Variants in MACROD2 observed in about 807,000 individuals in gnomAD.
The protein encoded by MACROD2 is ADP-ribose glycohydrolase MACROD2.
MACROD2 carries 36 observed loss-of-function variants against 70.4 expected under a neutral mutation model. The observed-to-expected ratio is 0.51, with a 90% CI of 0.39 to 0.68. MACROD2 has a LOEUF of 0.68. MACROD2 is among the 30% of genes least tolerant of loss of function. The pLI, the probability that MACROD2 is intolerant of heterozygous loss-of-function variation, is 0.00. For missense variants in MACROD2, 496 were observed against 538.4 expected (o/e 0.92, Z 0.78); for synonymous variants, 172 against 178.8 (o/e 0.96, Z 0.30).
chr20:15,539,815 G>T (rs192880026), intron 8 of MACROD2, among the ~76,000 whole-genome samples: 4 of 152,260 alleles, frequency 2.6e-5, no homozygotes, highest in African/African-American at 9.6e-5. Context: ...GTGAAACTCT[G>T]TCTCTACTAA....
chr20:14,925,309 G>T (rs991372500), intron 5 of MACROD2, among the ~76,000 whole-genome samples: 1 of 152,060 alleles, frequency 6.6e-6, no homozygotes, highest in Non-Finnish European at 1.5e-5. Flanking sequence ...CCAGGAAAAA[G>T]AAACACCTTA....
chr20:15,387,038 A>G (rs2045722980), intron 6 of MACROD2, among the ~76,000 whole-genome samples: 1 of 152,192 alleles, frequency 6.6e-6, no homozygotes, highest in African/African-American at 2.4e-5. Context: ...ATAAGAGCAA[A>G]CCAGCTCAAC....
At chr20:14,149,726 C>G (rs1484676835) in intron 3 of MACROD2, among the ~76,000 whole-genome samples, 1 of 152,084 alleles carries the variant, frequency 6.6e-6, no homozygotes, top group African/African-American at 2.4e-5. Flanking sequence ...ATGTGCATTT[C>G]TCTGATAATT....
intron 3 of MACROD2, among the ~76,000 whole-genome samples, chr20:14,340,239 T>C (rs1423246704): frequency 6.6e-6 from 1 of 152,172 alleles, no homozygotes; most frequent in African/African-American, 2.4e-5. Context: ...ACCAGTGTAG[T>C]AGACCTGGGT....
chr20:14,081,387 T>A (rs2148666559), intron 2 of MACROD2, among the ~76,000 whole-genome samples: 1 of 152,308 alleles, frequency 6.6e-6, no homozygotes, highest in East Asian at 1.9e-4. Flanking sequence ...CTGAATAAAA[T>A]CTGTTTTTAC....
Position 13,995,704 on chromosome 20 carries a change from C to T in MACROD2, c.-60C>T. 5.9e-6 allele frequency: 8 copies of T among 1,361,120 alleles called. No individual in the cohort carries two copies. Among genetic ancestry groups the T allele is most frequent in the South Asian group, 2.3e-5 (2 of 85,408 alleles). The allele number at this position is 1,361,120 out of a possible 1,614,324, so 84.3% of individuals were successfully genotyped here. A position where few individuals can be genotyped will look rare whatever the true frequency, so the allele number is the denominator to read the frequency against. ...TCCCACCCCTCCCACTCCACACACA[C>T]CCTGTTTGCCCGTGAGCCTGGGGAA... is the stretch of plus-strand genomic sequence containing the variant. On this transcript the variant is annotated 5_prime_UTR_variant, in exon 1 of 18. Coordinates refer to ENST00000684519, the MANE Select transcript of MACROD2 (RefSeq NM_001351661.2). This position sits in a 1 kb window ranked among gnomAD's most constrained non-coding sequence, Gnocchi z 4.3.
At chr20:14,701,253 A>T (rs1393284315) in intron 5 of MACROD2, among the ~76,000 whole-genome samples, 1 of 152,054 alleles carries the variant, frequency 6.6e-6, no homozygotes, top group Non-Finnish European at 1.5e-5. Context: ...TAGATACTCT[A>T]CCTGTGACAT....
intron 5 of MACROD2, among the ~76,000 whole-genome samples, chr20:15,152,732 G>A (rs540053339): frequency 5.3e-5 from 8 of 152,054 alleles, no homozygotes; most frequent in Admixed American, 1.3e-4. Flanking sequence ...GCGTCCCTGC[G>A]TGGACTGACA....
intron 13 of MACROD2, among the ~76,000 whole-genome samples, chr20:15,986,288 A>G (rs1304353819): frequency 1.3e-5 from 2 of 152,122 alleles, no homozygotes; most frequent in Admixed American, 1.3e-4. Flanking sequence ...ACATTACTCA[A>G]GTTTTTTATG....
intron 5 of MACROD2, among the ~76,000 whole-genome samples, chr20:14,840,417 A>T (rs1382904998): frequency 2.6e-5 from 4 of 151,402 alleles, no homozygotes; most frequent in African/African-American, 9.7e-5. Context: ...CTTTTTTTCC[A>T]GTAGGGACAA....
chr20:14,362,420 G>A (rs1392104600), intron 3 of MACROD2, among the ~76,000 whole-genome samples: 2 of 152,134 alleles, frequency 1.3e-5, no homozygotes, highest in East Asian at 1.9e-4. Context: ...GGTAGCTAGC[G>A]GGATTTTGCA....
At chr20:15,066,703 A>G (rs1319713095) in intron 5 of MACROD2, among the ~76,000 whole-genome samples, 1 of 151,824 alleles carries the variant, frequency 6.6e-6, no homozygotes, top group East Asian at 2.0e-4. Flanking sequence ...AACATGGTGA[A>G]ACCCCATCTC....
chr20:14,383,698 G>A (rs984311000), intron 3 of MACROD2, among the ~76,000 whole-genome samples: 2 of 152,066 alleles, frequency 1.3e-5, no homozygotes, highest in South Asian at 4.1e-4. Flanking sequence ...AATTGATGTT[G>A]GTTAGAGAAA....
intron 5 of MACROD2, among the ~76,000 whole-genome samples, chr20:14,969,865 T>C (rs2074674525): frequency 6.6e-6 from 1 of 152,146 alleles, no homozygotes; most frequent in African/African-American, 2.4e-5. Context: ...ATAAATGAAT[T>C]ATGGCTCTGT....
chr20:14,304,791 G>A (rs1392284593), intron 3 of MACROD2, among the ~76,000 whole-genome samples: 1 of 146,730 alleles, frequency 6.8e-6, no homozygotes, highest in African/African-American at 2.5e-5. Flanking sequence ...TTTTTGGTCT[G>A]TATAAAATAA....
intron 8 of MACROD2, among the ~76,000 whole-genome samples, chr20:15,564,675 T>G (rs910008571): frequency 3.3e-5 from 5 of 152,186 alleles, no homozygotes; most frequent in Non-Finnish European, 7.3e-5. Context: ...TTCTTTTTAT[T>G]TTAATATAAT....
At chr20:15,822,051 C>A (rs920618320) in intron 8 of MACROD2, among the ~76,000 whole-genome samples, 3 of 152,176 alleles carry the variant, frequency 2.0e-5, no homozygotes, top group African/African-American at 7.2e-5. Context: ...TATGCGATTG[C>A]TGTTTCACTT....
intron 2 of MACROD2, among the ~76,000 whole-genome samples, chr20:14,023,867 T>C (rs1011533615): frequency 2.0e-5 from 3 of 152,228 alleles, no homozygotes. Flanking sequence ...TGCTTAGGAT[T>C]GTCTTGGCTA....
At chr20:14,300,218 C>T (rs943823004) in intron 3 of MACROD2, among the ~76,000 whole-genome samples, 1 of 152,204 alleles carries the variant, frequency 6.6e-6, no homozygotes, top group Non-Finnish European at 1.5e-5. Flanking sequence ...GTTACAACAT[C>T]GCTACCTCAG....
Sources: gnomAD v4.1 joint callset for allele counts (sites outside exome capture counted in the v4.1 genomes callset) on GRCh38, gnomAD v4.1.1 for gene constraint, Gnocchi (gnomAD v3.1) non-coding constraint, MANE v1.5 for transcripts, NCBI Gene and HGNC (gene_info 2026-07-23, HGNC 2026-07-21) for gene names.